RANBP2: variants seen among roughly 807,000 people sequenced by gnomAD.
RANBP2 encodes the protein RAN binding protein 2.
A neutral mutation model predicts 303.6 loss-of-function variants in RANBP2; 57 were observed. The observed-to-expected ratio is 0.19, with a 90% CI of 0.15 to 0.23. RANBP2 has a LOEUF of 0.23. RANBP2 is among the 10% of genes least tolerant of loss of function. The pLI, the probability that RANBP2 is intolerant of heterozygous loss-of-function variation, is 1.00. For synonymous variants in RANBP2, 1,167 were observed against 1,301.5 expected (o/e 0.90, Z 2.23); for missense variants, 3,138 against 3,780.8 (o/e 0.83, Z 4.46).
At chr2:108,777,996 A>G (rs1466534133) in intron 25 of RANBP2, among the ~76,000 whole-genome samples, 1 of 152,152 alleles carries the variant, frequency 6.6e-6, no homozygotes, top group Non-Finnish European at 1.5e-5. Context: ...ACTTTTAGAA[A>G]TTACCTTCAG....
chr2:108,917,569 T>C, the RANBP2 span, among the ~76,000 whole-genome samples: 1 of 152,290 alleles, frequency 6.6e-6, no homozygotes, highest in South Asian at 2.1e-4. Flanking sequence ...AGAACAAGCA[T>C]CTAGCTTACT....
At chr2:108,957,298 C>A in the RANBP2 span, among the ~76,000 whole-genome samples, 3 of 152,206 alleles carry the variant, frequency 2.0e-5, no homozygotes, top group Non-Finnish European at 2.9e-5. Context: ...AACAGCAACG[C>A]CTCTTGTTTA....
chr2:109,139,021 G>A, the RANBP2 span, among the ~76,000 whole-genome samples: 1 of 152,330 alleles, frequency 6.6e-6, no homozygotes, highest in South Asian at 2.1e-4. Context: ...GATGGCAGGG[G>A]ACGTGGAGTC....
chr2:109,083,921 A>G, the RANBP2 span, among the ~76,000 whole-genome samples: 1 of 152,110 alleles, frequency 6.6e-6, no homozygotes, highest in Non-Finnish European at 1.5e-5. Context: ...CACCCGGTCC[A>G]GTAGCCAATC....
chr2:108,984,243 C>T, the RANBP2 span, among the ~76,000 whole-genome samples: 1 of 152,092 alleles, frequency 6.6e-6, no homozygotes, highest in Non-Finnish European at 1.5e-5. Context: ...GCCAACTCTC[C>T]CAGGAAGAGG....
At chr2:109,725,192 G>T in the RANBP2 span, among the ~76,000 whole-genome samples, 1 of 152,176 alleles carries the variant, frequency 6.6e-6, no homozygotes, top group Non-Finnish European at 1.5e-5. Flanking sequence ...ACACAGGGGT[G>T]ACTTCGCCCT....
the RANBP2 span, among the ~76,000 whole-genome samples, chr2:109,107,944 C>T: frequency 3.3e-5 from 5 of 152,024 alleles, no homozygotes; most frequent in South Asian, 2.1e-4. Context: ...CTTGCTCTGT[C>T]GCCCAGGCTG....
chr2:108,932,696 T>C, the RANBP2 span, among the ~76,000 whole-genome samples: 3,192 of 152,158 alleles, frequency 0.021, 104 homozygotes, highest in African/African-American at 0.073. Flanking sequence ...CCCCCAGGAC[T>C]TAAGGGCTTC....
At chr2:109,246,557 C>G in the RANBP2 span, among the ~76,000 whole-genome samples, 1 of 152,216 alleles carries the variant, frequency 6.6e-6, no homozygotes, top group Non-Finnish European at 1.5e-5. Flanking sequence ...TCATGCCTAA[C>G]AGGATGGCTG....
chr2:109,496,835 A>C, the RANBP2 span, among the ~76,000 whole-genome samples: 2 of 152,250 alleles, frequency 1.3e-5, no homozygotes, highest in Non-Finnish European at 2.9e-5. Flanking sequence ...CTTTAAAATA[A>C]AGAGATTACC....
chr2:109,152,406 AAAT>A, the RANBP2 span, among the ~76,000 whole-genome samples: 2 of 152,226 alleles, frequency 1.3e-5, no homozygotes. Flanking sequence ...CAAATCAAAT[AAAT>A]AATTCTGGGC....
chr2:109,145,160 A>G, the RANBP2 span, among the ~76,000 whole-genome samples: 1 of 152,126 alleles, frequency 6.6e-6, no homozygotes, highest in African/African-American at 2.4e-5. Flanking sequence ...TTCTCTTGTA[A>G]GGGGCAGTTC....
In RANBP2 at chr2:108,773,662, G is replaced by T. The variant is rs200376464; in HGVS notation, c.8292+616G>T. Reference sequence around the variant, plus strand: ...CCTCCAGGAATTTTTTTTTTTTTTGGGGGGGGATGGAGTTTCGCTCTGTCG... The same window carrying T: ...CCTCCAGGAATTTTTTTTTTTTTTGTGGGGGGATGGAGTTTCGCTCTGTCG... On this transcript the variant is annotated intron_variant, in intron 23 of 28. Transcript: ENST00000283195. Among the ~76,000 whole-genome samples the T allele has an allele frequency of 5.3e-3, 796 of 149,178 alleles. 4 individuals are homozygous for T. Among genetic ancestry groups the T allele is most frequent in the South Asian group, 0.022 (102 of 4,744 alleles).
At chr2:109,257,208 C>T in the RANBP2 span, among the ~76,000 whole-genome samples, 5 of 152,120 alleles carry the variant, frequency 3.3e-5, no homozygotes, top group Middle Eastern at 3.2e-3. Context: ...GTGGACATGA[C>T]GGTAAGTCCT....
the RANBP2 span, among the ~76,000 whole-genome samples, chr2:108,921,720 C>T: frequency 6.6e-6 from 1 of 152,210 alleles, no homozygotes; most frequent in Non-Finnish European, 1.5e-5. Flanking sequence ...GGGTGGAGGG[C>T]ATCACTCTGT....
chr2:109,004,378 A>G, the RANBP2 span, among the ~76,000 whole-genome samples: 27 of 152,356 alleles, frequency 1.8e-4, no homozygotes, highest in Non-Finnish European at 2.9e-4. Flanking sequence ...AAGCATCAGC[A>G]ACACTCAAAA....
At chr2:109,044,882 T>C in the RANBP2 span, among the ~76,000 whole-genome samples, 2 of 152,208 alleles carry the variant, frequency 1.3e-5, no homozygotes, top group Admixed American at 1.3e-4. Flanking sequence ...ATTTTTGTCA[T>C]GTAAAAGAGG....
chr2:109,600,222 A>G, the RANBP2 span, among the ~76,000 whole-genome samples: 1 of 152,228 alleles, frequency 6.6e-6, no homozygotes, highest in South Asian at 2.1e-4. Context: ...TTGCACGGCT[A>G]TTAAGATCTG....
chr2:109,194,199 G>A, the RANBP2 span, among the ~76,000 whole-genome samples: 1 of 152,234 alleles, frequency 6.6e-6, no homozygotes, highest in Admixed American at 6.5e-5. Flanking sequence ...ACAGGCACAG[G>A]CACTGCCCGT....
Sources: allele counts gnomAD v4.1 joint callset (sites outside exome capture counted in the v4.1 genomes callset), GRCh38; gene constraint gnomAD v4.1.1; transcripts MANE v1.5; gene names NCBI Gene and HGNC (gene_info 2026-07-23, HGNC 2026-07-21).